Variants in ADAMTS2 observed in about 807,000 individuals in gnomAD.
ADAMTS2 encodes A disintegrin and metalloproteinase with thrombospondin motifs 2.
ADAMTS2 carries 50 observed loss-of-function variants against 123.0 expected under a neutral mutation model. That is an observed-to-expected ratio of 0.41 (90% confidence interval 0.32 to 0.51). The LOEUF (loss-of-function observed/expected upper bound fraction) is 0.51. Among genes scored for constraint, ADAMTS2 ranks in the 20% least tolerant of loss-of-function variants. The pLI is 0.35. For missense variants in ADAMTS2, 1,494 were observed against 1,705.2 expected (o/e 0.88, Z 2.18); for synonymous variants, 678 against 695.4 (o/e 0.98, Z 0.39).
chr5:179,204,831 C>A (rs924663999), intron 4 of ADAMTS2, among the ~76,000 whole-genome samples: 5 of 152,206 alleles, frequency 3.3e-5, no homozygotes, highest in African/African-American at 1.2e-4. Context: ...CCCCGGGACT[C>A]TCTGCCACGC....
Position 179,126,097 on chromosome 5 carries a change from C to T in ADAMTS2, c.2651G>A (p.Arg884Lys), listed in dbSNP as rs1762852204. The change falls in exon 18 of 22, where the codon AGG becomes AAG. Residue 884 changes from arginine to lysine, a missense_variant. This residue lies in a region of ADAMTS2 where 953 missense variants were observed against 1,124.7 expected (regional missense o/e 0.85). Coordinates refer to ENST00000251582, the MANE Select transcript of ADAMTS2 (RefSeq NM_014244.5). Reference sequence around the variant, plus strand: ...ACGGTGTACCATCTTGTGGTCCAGCCTCCGGCGGCAGCCATACTTGGTGAA... The same window carrying T: ...ACGGTGTACCATCTTGTGGTCCAGCTTCCGGCGGCAGCCATACTTGGTGAA... ...SQFTKYGCRR[R>K]LDHKMVHRGF... 2 of 1,613,132 alleles carry T rather than the reference C, an allele frequency of 1.2e-6. No individual in the cohort carries two copies. Among genetic ancestry groups the T allele is most frequent in the Non-Finnish European group, 1.7e-6 (2 of 1,180,020 alleles).
chr5:179,121,471 C>A (rs1212086417), intron 21 of ADAMTS2, 190 bp downstream of exon 21: 1 of 468,638 alleles, frequency 2.1e-6, no homozygotes, highest in African/African-American at 2.0e-5. Context: ...CCCGAGCCCC[C>A]GCCAGCAGGC....
At chr5:179,311,175 C>T (rs966013352) in intron 2 of ADAMTS2, among the ~76,000 whole-genome samples, 10 of 152,284 alleles carry the variant, frequency 6.6e-5, no homozygotes, top group East Asian at 3.9e-4. Context: ...GAGCCTCCCC[C>T]GCCCTCTGAA....
chr5:179,200,984 T>G (rs1764550184), intron 4 of ADAMTS2, among the ~76,000 whole-genome samples: 1 of 152,120 alleles, frequency 6.6e-6, no homozygotes, highest in Non-Finnish European at 1.5e-5. Flanking sequence ...TAAAATAATC[T>G]CTGTTTACAA....
chr5:179,190,844 C>T (rs983157634), intron 4 of ADAMTS2, among the ~76,000 whole-genome samples: 3 of 152,284 alleles, frequency 2.0e-5, no homozygotes, highest in East Asian at 1.9e-4. Context: ...CCTGGCTCTC[C>T]TCCTGGCCAT....
At position 179,128,201 on chromosome 5, in the gene ADAMTS2, C is replaced by T. The variant is rs1413536236; in HGVS notation, c.2458-83G>A. The T allele has an allele frequency of 3.2e-6, 5 of 1,550,794 alleles. No homozygotes were observed. Among genetic ancestry groups the T allele is most frequent in the Middle Eastern group, 1.7e-4 (1 of 5,942 alleles). On this transcript the variant is annotated intron_variant, in intron 16 of 21. Transcript: ENST00000251582. This position sits in a 1 kb window ranked among gnomAD's most constrained non-coding sequence, Gnocchi z 4.9. ...CCAGCTTAGGAACGGCAGCTGAGGC[C>T]GACTCCAGAGGAGTCTCATCATTCA...
chr5:179,345,211 C>T lies in ADAMTS2; in HGVS notation c.118G>A (p.Ala40Thr). ...CTACCTGGGGGGTCGGCGGCGGCGG[C>T]GAGCCTGGCGTTCGCGGGCGGCGGC... ...PPPPPANARL[A>T]AAADPPGGPL... Residue 40 changes from alanine (A) to threonine (T), a missense_variant, in exon 1 of 22, where the codon GCC becomes ACC. Transcript: ENST00000251582. The surrounding 1 kb of genome is among the most constrained non-coding windows in gnomAD (Gnocchi z 7.5). 1 of 1,116,878 alleles carries T rather than the reference C, an allele frequency of 9.0e-7. No individual in the cohort carries two copies. Among genetic ancestry groups the T allele is most frequent in the Non-Finnish European group, 1.1e-6 (1 of 918,372 alleles). 69.2% of individuals were successfully genotyped at this position (1,116,878 alleles called of 1,614,324 possible). A position where few individuals can be genotyped will look rare whatever the true frequency, so the allele number is the denominator to read the frequency against.
chr5:179,152,331 T>C (rs2113247095), intron 9 of ADAMTS2, 76 bp from the exon 10 acceptor site: 1 of 1,404,128 alleles, frequency 7.1e-7, no homozygotes. Context: ...ACCCCCGGGT[T>C]CTGGAACCTG....
chr5:179,264,031 C>T (rs1322779254), intron 3 of ADAMTS2, among the ~76,000 whole-genome samples: 1 of 152,192 alleles, frequency 6.6e-6, no homozygotes, highest in Non-Finnish European at 1.5e-5. Flanking sequence ...CACAAACTGG[C>T]AGAGTTTGGA....
At position 179,154,938 on chromosome 5, in the gene ADAMTS2, C is replaced by A. The variant is rs537699455; in HGVS notation, c.1133-19G>T. 5 of 1,606,364 alleles carry A rather than the reference C, an allele frequency of 3.1e-6. No individual in the cohort carries two copies. In the South Asian group the frequency reaches 5.6e-5, roughly 18 times the overall value. ...GCATAGCCTGGGAGGAGACAAGAGG[C>A]GGCTCCAGATGCTGCCATAGCCTGG... On this transcript the variant is annotated intron_variant, in intron 6 of 21. Coordinates refer to ENST00000251582, the MANE Select transcript of ADAMTS2 (RefSeq NM_014244.5).
chr5:179,344,151 C>A lies in ADAMTS2; in HGVS notation c.150G>T (p.Leu50=). The change falls in exon 2 of 22, where the codon CTG becomes CTT. Residue 50 remains leucine (L), a synonymous_variant. Coordinates refer to ENST00000251582, the MANE Select transcript of ADAMTS2 (RefSeq NM_014244.5). ...CCAGGATGCGCTCCGCTCCGTGCCC[C>A]AGGGGCCCGCCTGCAACGGGAAGGG... The part of the protein sequence containing the change: ...AAAADPPGGP[L]GHGAERILAV... The A allele has an allele frequency of 6.3e-7, 1 of 1,597,732 alleles. No homozygotes were observed. Among genetic ancestry groups the A allele is most frequent in the Non-Finnish European group, 8.5e-7 (1 of 1,173,180 alleles).
rs527305381 is a variant in ADAMTS2 at position 179,227,856 on chromosome 5, G to A, written c.689-20141C>T. 5.5e-4 allele frequency among the ~76,000 whole-genome samples: 84 copies of A among 152,242 alleles called. 1 individual carries two copies. The highest frequency in any genetic ancestry group is 6.5e-4 in the Admixed American group (10 of 15,298). On this transcript the variant is annotated intron_variant, in intron 3 of 21. Coordinates refer to ENST00000251582, the MANE Select transcript of ADAMTS2 (RefSeq NM_014244.5). ...GACTAGAGGGGGCAGGGCAGCCCTGGCTTGGGGCTGGAGAGGGAGCCAGGA... is the reference window on the plus strand; with the variant it reads ...GACTAGAGGGGGCAGGGCAGCCCTGACTTGGGGCTGGAGAGGGAGCCAGGA...
chr5:179,313,246 A>G (rs113310066), intron 2 of ADAMTS2, among the ~76,000 whole-genome samples: 1,020 of 88,210 alleles, frequency 0.012, 1 homozygote, highest in Middle Eastern at 0.097. Context: ...GGGCCTGGCC[A>G]GAGCAGGGGT....
At chr5:179,254,728 G>A (rs1766006400) in intron 3 of ADAMTS2, among the ~76,000 whole-genome samples, 1 of 152,222 alleles carries the variant, frequency 6.6e-6, no homozygotes, top group Non-Finnish European at 1.5e-5. Context: ...ACTGTTGATG[G>A]CGTCAAAGAT....
At chr5:179,180,000 G>A (rs1764010096) in intron 5 of ADAMTS2, among the ~76,000 whole-genome samples, 1 of 152,046 alleles carries the variant, frequency 6.6e-6, no homozygotes. Context: ...CTGACTCCTC[G>A]GGTGCTGGAT....
At chr5:179,172,249 C>A (rs906205245) in intron 5 of ADAMTS2, among the ~76,000 whole-genome samples, 3 of 152,224 alleles carry the variant, frequency 2.0e-5, no homozygotes, top group Non-Finnish European at 2.9e-5. Flanking sequence ...CCAGGGCCTG[C>A]ACATGTCCCC....
chr5:179,164,368 G>T, intron 5 of ADAMTS2, among the ~76,000 whole-genome samples: 1 of 152,232 alleles, frequency 6.6e-6, no homozygotes, highest in South Asian at 2.1e-4. Context: ...AGGAAGGAGT[G>T]GGGATAGAAG....
rs1194078668 is a variant in ADAMTS2, at chr5:179,308,535, C to T, written c.534+35232G>A. Among the ~76,000 whole-genome samples, 2 of 152,184 alleles carry T rather than the reference C, an allele frequency of 1.3e-5. No individual in the cohort carries two copies. The highest frequency in any genetic ancestry group is 2.4e-5 in the African/African-American group (1 of 41,450). On this transcript the variant is annotated intron_variant, in intron 2 of 21. Coordinates refer to ENST00000251582, the MANE Select transcript of ADAMTS2 (RefSeq NM_014244.5). This position sits in a 1 kb window ranked among gnomAD's most constrained non-coding sequence, Gnocchi z 6.6. ...GCAATGCGATGACCATGCCTGCAGG[C>T]CCCCATAATAGACAGCCTCATTTTT...
chr5:179,122,550 G>C, intron 20 of ADAMTS2, 94 bp downstream of exon 20: 3 of 1,501,032 alleles, frequency 2.0e-6, no homozygotes, highest in Non-Finnish European at 2.7e-6. Context: ...GCTACTCTCC[G>C]GGAAGAGCCA....
Sources: allele counts gnomAD v4.1 joint callset (sites outside exome capture counted in the v4.1 genomes callset), GRCh38; gene constraint gnomAD v4.1.1; regional missense constraint gnomAD v4.1.1; non-coding constraint Gnocchi (gnomAD v3.1); transcripts MANE v1.5; gene names NCBI Gene and HGNC (gene_info 2026-07-23, HGNC 2026-07-21).